Variants in FMN1 observed in about 807,000 individuals in gnomAD.
The protein encoded by FMN1 is formin 1, also known as formin-1.
Under a neutral mutation model 132.4 loss-of-function variants are expected in FMN1, and 110 were observed. That is an observed-to-expected ratio of 0.83 (90% CI 0.71 to 0.97). The LOEUF (loss-of-function observed/expected upper bound fraction) is 0.97, where lower values mean the gene tolerates loss of function less well. FMN1 is among the 50% of genes least tolerant of loss of function. The pLI, the probability that FMN1 is intolerant of heterozygous loss-of-function variation, is 0.00. For missense variants in FMN1, 1,792 were observed against 1,705.3 expected (o/e 1.05, Z -0.90); for synonymous variants, 722 against 651.7 (o/e 1.11, Z -1.64).
intron 16 of FMN1, among the ~76,000 whole-genome samples, chr15:32,859,908 C>T (rs1465833270): frequency 6.6e-6 from 1 of 152,090 alleles, no homozygotes; most frequent in East Asian, 1.9e-4. Context: ...CATGATGGTG[C>T]ATGCCTGTAG....
At chr15:32,928,123 A>G (rs547531404) in intron 9 of FMN1, among the ~76,000 whole-genome samples, 47 of 152,306 alleles carry the variant, frequency 3.1e-4, no homozygotes, top group African/African-American at 1.1e-3. Context: ...CAGAATGGCT[A>G]CTTTCATATA....
At chr15:33,072,966 T>TATAC (rs2038057340) in intron 5 of FMN1, among the ~76,000 whole-genome samples, 1 of 151,348 alleles carries the variant, frequency 6.6e-6, no homozygotes, top group South Asian at 2.1e-4. Flanking sequence ...CTAGTAAGTG[T>TATAC]ATACCTAGTG....
intron 17 of FMN1, among the ~76,000 whole-genome samples, chr15:32,837,637 C>A (rs990585871): frequency 6.6e-6 from 1 of 152,106 alleles, no homozygotes; most frequent in African/African-American, 2.4e-5. Flanking sequence ...GGACCTAAAG[C>A]AAGAAGGAGT....
At chr15:32,839,399 G>T (rs562110229) in intron 17 of FMN1, among the ~76,000 whole-genome samples, 1 of 152,168 alleles carries the variant, frequency 6.6e-6, no homozygotes, top group Admixed American at 6.5e-5. Context: ...TGGATGCTTG[G>T]CATTTGCTAC....
chr15:32,910,764 C>A (rs2060541212), intron 10 of FMN1, among the ~76,000 whole-genome samples: 1 of 152,250 alleles, frequency 6.6e-6, no homozygotes, highest in Non-Finnish European at 1.5e-5. Context: ...ATTCCTCAGG[C>A]TCTGAGTCCT....
In FMN1 at chr15:32,969,178, G is replaced by C. The variant is rs1295025069; in HGVS notation, c.2523C>G (p.Leu841=). 6.2e-7 allele frequency: 1 copy of C among 1,613,948 alleles called. No individual in the cohort carries two copies. The highest frequency in any genetic ancestry group is 8.5e-7 in the Non-Finnish European group (1 of 1,179,890). The change falls in exon 8 of 21, where the codon CTC becomes CTG. Residue 841 remains leucine (L), a synonymous_variant. Coordinates refer to ENST00000616417, the MANE Select transcript of FMN1 (RefSeq NM_001277313.2). The stretch of plus-strand genomic sequence containing the variant: ...TGTCTTTGTGGTCATTTGGGGGTGA[G>C]AGCTGGCTTAAAGAGGAGATATTCA... ...KKLNISSLSQ[L]SPPNDHKDIH...
chr15:32,997,222 C>A (rs963521474), intron 7 of FMN1, among the ~76,000 whole-genome samples: 2 of 152,010 alleles, frequency 1.3e-5, no homozygotes, highest in Non-Finnish European at 2.9e-5. Flanking sequence ...TTCTTCCGTA[C>A]CTCAGTAGAG....
chr15:32,887,379 T>C, intron 16 of FMN1, among the ~76,000 whole-genome samples: 1 of 152,266 alleles, frequency 6.6e-6, no homozygotes, highest in East Asian at 1.9e-4. Context: ...AGTATTTATA[T>C]TCTTGGACAA....
At chr15:32,849,811 C>G (rs1480220250) in intron 17 of FMN1, among the ~76,000 whole-genome samples, 1 of 152,150 alleles carries the variant, frequency 6.6e-6, no homozygotes, top group Non-Finnish European at 1.5e-5. Flanking sequence ...CGCACACCAC[C>G]ATGTCCGGCT....
intron 4 of FMN1, among the ~76,000 whole-genome samples, chr15:33,124,645 T>C (rs1962877338): frequency 6.6e-6 from 1 of 152,168 alleles, no homozygotes; most frequent in Non-Finnish European, 1.5e-5. Context: ...TCTAATAATC[T>C]GTGTTCTTTT....
intron 17 of FMN1, among the ~76,000 whole-genome samples, chr15:32,827,049 G>A (rs572116950): frequency 5.3e-4 from 81 of 152,318 alleles, no homozygotes; most frequent in Admixed American, 1.4e-3. Context: ...ATTAGGCTCT[G>A]AATATGCGTT....
chr15:33,170,124 T>A lies in FMN1; in HGVS notation c.-132+10074A>T, dbSNP rs536973747. Among the ~76,000 whole-genome samples, 53 of 152,182 alleles carry A rather than the reference T, an allele frequency of 3.5e-4. 1 individual carries two copies. Among genetic ancestry groups the A allele is most frequent in the Middle Eastern group, 3.4e-3 (1 of 294 alleles). ...CAGAAATAAATTCATATATTTACAA[T>A]CAACTGATTTTTGACAAGGGCACCA... On this transcript the variant is annotated intron_variant, in intron 3 of 20. Transcript: ENST00000616417.
intron 6 of FMN1, among the ~76,000 whole-genome samples, chr15:33,045,826 A>G (rs2036653688): frequency 6.6e-6 from 1 of 152,202 alleles, no homozygotes; most frequent in Non-Finnish European, 1.5e-5. Context: ...TAGGTAGGAA[A>G]AAAAATCATT....
rs189541979 is a variant in FMN1, at chr15:33,009,361, T to C, written c.2162-1286A>G. On this transcript the variant is annotated intron_variant, in intron 6 of 20. Coordinates refer to ENST00000616417, the MANE Select transcript of FMN1 (RefSeq NM_001277313.2). ...GTGATCTACATAGACATGAACCAGATCATCTCATCCTTGGTTTTTCACGCA... is the reference window on the plus strand; with the variant it reads ...GTGATCTACATAGACATGAACCAGACCATCTCATCCTTGGTTTTTCACGCA... 3.7e-4 allele frequency among the ~76,000 whole-genome samples: 57 copies of C among 152,100 alleles called. 1 individual carries two copies. The highest frequency in any genetic ancestry group is 1.4e-3 in the African/African-American group (57 of 41,408).
At chr15:33,019,176 A>G (rs1424342808) in intron 6 of FMN1, among the ~76,000 whole-genome samples, 1 of 152,182 alleles carries the variant, frequency 6.6e-6, no homozygotes, top group East Asian at 1.9e-4. Context: ...CTGTTTTGAC[A>G]GGGTGCTGAT....
chr15:32,891,112 C>T (rs1212915126), intron 15 of FMN1, among the ~76,000 whole-genome samples: 1 of 152,148 alleles, frequency 6.6e-6, no homozygotes, highest in African/African-American at 2.4e-5. Flanking sequence ...TATTTTTATA[C>T]CAGTACCACG....
intron 4 of FMN1, among the ~76,000 whole-genome samples, chr15:33,096,494 G>A (rs2039089325): frequency 6.6e-6 from 1 of 152,136 alleles, no homozygotes. Context: ...GAGTGTCTTA[G>A]GCACCAGAGT....
intron 4 of FMN1, among the ~76,000 whole-genome samples, chr15:33,116,754 CT>C (rs11346902): frequency 0.32 from 47,806 of 151,532 alleles, 9,313 homozygotes; most frequent in South Asian, 0.41. Context: ...CTAGATATGG[CT>C]TTTTTTTCCC....
intron 4 of FMN1, among the ~76,000 whole-genome samples, chr15:33,125,025 GTCTAC>G (rs371247099): frequency 6.6e-6 from 1 of 151,964 alleles, no homozygotes; most frequent in African/African-American, 2.4e-5. Context: ...TCGCATCCAT[GTCTAC>G]TCTATCATGG....
Sources: allele counts gnomAD v4.1 joint callset (sites outside exome capture counted in the v4.1 genomes callset), GRCh38; gene constraint gnomAD v4.1.1; transcripts MANE v1.5; gene names NCBI Gene and HGNC (gene_info 2026-07-23, HGNC 2026-07-21).